ROBO1: variants seen among roughly 807,000 people sequenced by gnomAD.
ROBO1 encodes roundabout homolog 1.
A neutral mutation model predicts 195.9 loss-of-function variants in ROBO1; 149 were observed. That is an observed-to-expected ratio of 0.76 (90% confidence interval 0.67 to 0.87). The LOEUF (loss-of-function observed/expected upper bound fraction) is 0.87. Ranked by LOEUF, ROBO1 falls within the 40% of genes least tolerant of loss-of-function variation. The probability of loss-of-function intolerance (pLI) is 0.00; values close to 1 mark genes in which losing one functional copy is unlikely to be tolerated. For synonymous variants in ROBO1, 816 were observed against 733.2 expected (o/e 1.11, Z -1.82); for missense variants, 1,933 against 2,068.3 (o/e 0.93, Z 1.27).
chr3:78,871,240 G>C (rs557600713), intron 4 of ROBO1, among the ~76,000 whole-genome samples: 1 of 152,250 alleles, frequency 6.6e-6, no homozygotes, highest in East Asian at 1.9e-4. Context: ...CATAAAGCCT[G>C]GTTTACCTTT....
At chr3:78,819,773 T>C (rs1273532342) in intron 4 of ROBO1, among the ~76,000 whole-genome samples, 2 of 152,176 alleles carry the variant, frequency 1.3e-5, no homozygotes, top group Admixed American at 1.3e-4. Flanking sequence ...CTTGTCATCA[T>C]GTAAAAATTT....
At chr3:78,671,949 G>A (rs938276254) in intron 10 of ROBO1, among the ~76,000 whole-genome samples, 2 of 152,012 alleles carry the variant, frequency 1.3e-5, no homozygotes, top group Non-Finnish European at 2.9e-5. Flanking sequence ...ACCAGTTATT[G>A]ATGCCATTTT....
intron 4 of ROBO1, among the ~76,000 whole-genome samples, chr3:78,860,778 C>G (rs2106989217): frequency 6.6e-6 from 1 of 152,202 alleles, no homozygotes; most frequent in South Asian, 2.1e-4. Flanking sequence ...TGCAGCTGCA[C>G]TCACTCCAGC....
At chr3:79,646,677 AATAG>A (rs150969717) in intron 1 of ROBO1, among the ~76,000 whole-genome samples, 1,776 of 152,250 alleles carry the variant, frequency 0.012, 30 homozygotes, top group African/African-American at 0.041. Flanking sequence ...TCAATGGATG[AATAG>A]ATAAAGAAAA....
chr3:78,680,718 C>A lies in ROBO1; in HGVS notation c.1342+5028G>T, dbSNP rs1038236431. On this transcript the variant is annotated intron_variant, in intron 10 of 30. Transcript: ENST00000464233. ...GAGAGGATGTGGAGAAATAGGAACA[C>A]TTTTCCACTGTTGGTGGGACTGTAA... is the stretch of plus-strand genomic sequence containing the variant. Among the ~76,000 whole-genome samples, 4 of 142,582 alleles carry A rather than the reference C, an allele frequency of 2.8e-5. 1 individual carries two copies. Among genetic ancestry groups the A allele is most frequent in the African/African-American group, 1.1e-4 (4 of 36,752 alleles). 93.5% of individuals were successfully genotyped at this position (142,582 alleles called of 152,430 possible). A position where few individuals can be genotyped will look rare whatever the true frequency, so the allele number is the denominator to read the frequency against.
chr3:78,664,345 T>C lies in ROBO1; in HGVS notation c.1967-2231A>G, dbSNP rs141766958. Reference sequence around the variant, plus strand: ...CCCCACTCATTGATAATAACTGACATCATCTTAGGTATGATATGTATCTGT... The same window carrying C: ...CCCCACTCATTGATAATAACTGACACCATCTTAGGTATGATATGTATCTGT... On this transcript the variant is annotated intron_variant, in intron 14 of 30. Coordinates refer to ENST00000464233, the MANE Select transcript of ROBO1 (RefSeq NM_002941.4). Among the ~76,000 whole-genome samples the C allele has an allele frequency of 2.6e-3, 395 of 152,264 alleles. 2 individuals are homozygous for C. The highest frequency in any genetic ancestry group is 8.8e-3 in the African/African-American group (367 of 41,558).
At chr3:79,267,059 G>T (rs2030032892) in intron 2 of ROBO1, among the ~76,000 whole-genome samples, 2 of 151,260 alleles carry the variant, frequency 1.3e-5, no homozygotes, top group African/African-American at 2.4e-5. Flanking sequence ...ATTCTATATG[G>T]CAGCCACTAT....
chr3:79,434,554 A>G (rs1310202667), intron 2 of ROBO1, among the ~76,000 whole-genome samples: 2 of 152,134 alleles, frequency 1.3e-5, no homozygotes, highest in Non-Finnish European at 2.9e-5. Context: ...GATCATTAAA[A>G]AGTCAGGAAA....
intron 3 of ROBO1, among the ~76,000 whole-genome samples, chr3:79,013,060 G>C (rs1176991238): frequency 6.6e-6 from 1 of 151,948 alleles, no homozygotes; most frequent in Admixed American, 6.6e-5. Context: ...TCCATGATCA[G>C]TAACCATGAA....
rs143648866 is a variant in ROBO1 at position 78,609,643 on chromosome 3, A to C, written c.4436-2602T>G. On this transcript the variant is annotated intron_variant, in intron 28 of 30. Transcript: ENST00000464233. ...TGTTATATTCTATGACTACATCACT[A>C]TTTTTTAGCCAATCCCTATAGAGAA... 3.3e-3 allele frequency among the ~76,000 whole-genome samples: 500 copies of C among 152,228 alleles called. 5 individuals carry two copies. Among genetic ancestry groups the C allele is most frequent in the African/African-American group, 0.011 (477 of 41,530 alleles).
chr3:79,026,148 A>G (rs62257533), intron 3 of ROBO1, among the ~76,000 whole-genome samples: 2,137 of 152,232 alleles, frequency 0.014, 27 homozygotes, highest in Admixed American at 0.022. Flanking sequence ...AGTTTCTAAT[A>G]GAATAAAAAT....
intron 3 of ROBO1, among the ~76,000 whole-genome samples, chr3:79,037,830 G>A (rs1384138465): frequency 1.3e-5 from 2 of 152,078 alleles, no homozygotes; most frequent in African/African-American, 2.4e-5. Context: ...TATTACGAAC[G>A]GGAACTAAAC....
chr3:78,785,058 G>T (rs933865201), intron 4 of ROBO1, among the ~76,000 whole-genome samples: 3 of 152,118 alleles, frequency 2.0e-5, no homozygotes, highest in Non-Finnish European at 4.4e-5. Context: ...AAGGCAAGTG[G>T]GTCTAAAATG....
intron 4 of ROBO1, among the ~76,000 whole-genome samples, chr3:78,816,059 T>C (rs2084892569): frequency 6.6e-6 from 1 of 152,166 alleles, no homozygotes; most frequent in Non-Finnish European, 1.5e-5. Context: ...TCCAAGACTT[T>C]CATTGTTGTA....
intron 2 of ROBO1, among the ~76,000 whole-genome samples, chr3:79,415,391 A>T (rs2037958009): frequency 6.6e-6 from 1 of 152,110 alleles, no homozygotes; most frequent in Non-Finnish European, 1.5e-5. Flanking sequence ...ATGGGACTTA[A>T]TTTAAAGGTT....
intron 1 of ROBO1, among the ~76,000 whole-genome samples, chr3:79,614,240 C>T (rs561318684): frequency 4.6e-5 from 7 of 152,148 alleles, no homozygotes; most frequent in Admixed American, 1.3e-4. Flanking sequence ...AGACAGTGCT[C>T]ATTCTGGGCC....
chr3:79,755,615 G>C (rs1261451610), intron 1 of ROBO1, among the ~76,000 whole-genome samples: 2 of 152,022 alleles, frequency 1.3e-5, no homozygotes, highest in African/African-American at 4.8e-5. Context: ...GGAATAGGAA[G>C]ATGGATTAAA....
intron 29 of ROBO1, among the ~76,000 whole-genome samples, chr3:78,605,823 C>T (rs1053267153): frequency 6.6e-6 from 1 of 152,146 alleles, no homozygotes; most frequent in African/African-American, 2.4e-5. Flanking sequence ...ACCTAGTCAA[C>T]CTATGAATAA....
At chr3:79,300,089 A>G (rs1404259283) in intron 2 of ROBO1, among the ~76,000 whole-genome samples, 1 of 152,324 alleles carries the variant, frequency 6.6e-6, no homozygotes, top group South Asian at 2.1e-4. Context: ...CGCTCTGGGC[A>G]TCTCCTCTGC....
Sources: gnomAD v4.1 joint callset for allele counts (sites outside exome capture counted in the v4.1 genomes callset) on GRCh38, gnomAD v4.1.1 for gene constraint, MANE v1.5 for transcripts, NCBI Gene and HGNC (gene_info 2026-07-23, HGNC 2026-07-21) for gene names.